Variants in GRID2 observed in about 807,000 individuals in gnomAD.
The protein encoded by GRID2 is glutamate ionotropic receptor delta type subunit 2.
Under a neutral mutation model 114.8 loss-of-function variants are expected in GRID2, and 33 were observed. The observed-to-expected ratio is 0.29, with a 90% CI of 0.22 to 0.38. The LOEUF (loss-of-function observed/expected upper bound fraction) is 0.38, where lower values mean the gene tolerates loss of function less well. Among genes scored for constraint, GRID2 ranks in the 10% least tolerant of loss-of-function variants. GRID2 has a pLI of 1.00. For synonymous variants in GRID2, 505 were observed against 449.9 expected, an observed-to-expected ratio of 1.12 and a Z score of -1.55; for missense variants, 1,184 against 1,257.7, an observed-to-expected ratio of 0.94 and a Z score of 0.89.
chr4:93,676,393 G>A (rs184384611), intron 14 of GRID2, among the ~76,000 whole-genome samples: 632 of 152,284 alleles, frequency 4.2e-3, no homozygotes, highest in Non-Finnish European at 6.9e-3. Context: ...ATAAGAAGAA[G>A]ATAGAGTAGC....
At chr4:92,476,675 G>T (rs1347601637) in intron 1 of GRID2, among the ~76,000 whole-genome samples, 2 of 151,888 alleles carry the variant, frequency 1.3e-5, no homozygotes, top group Admixed American at 1.3e-4. Context: ...ACTAACTAAA[G>T]AAAAAAATTT....
intron 10 of GRID2, among the ~76,000 whole-genome samples, chr4:93,454,675 T>A (rs1278325622): frequency 6.6e-6 from 1 of 152,130 alleles, no homozygotes; most frequent in Non-Finnish European, 1.5e-5. Context: ...ACTAGGGATG[T>A]TACTTTTCAT....
At chr4:92,568,251 C>T (rs980511515) in intron 1 of GRID2, among the ~76,000 whole-genome samples, 5 of 151,872 alleles carry the variant, frequency 3.3e-5, no homozygotes, top group Non-Finnish European at 7.4e-5. Context: ...GAGGAAGAGG[C>T]GGAATACTAG....
At chr4:93,187,379 C>A (rs878985699) in intron 4 of GRID2, among the ~76,000 whole-genome samples, 4 of 151,870 alleles carry the variant, frequency 2.6e-5, no homozygotes, top group Non-Finnish European at 5.9e-5. Context: ...ACGGTTCAAG[C>A]ATTCTCTTGC....
intron 9 of GRID2, among the ~76,000 whole-genome samples, chr4:93,422,273 A>C (rs1203753947): frequency 6.6e-6 from 1 of 152,210 alleles, no homozygotes; most frequent in African/African-American, 2.4e-5. Flanking sequence ...AAAATTACTT[A>C]GTGAATAACT....
chr4:92,819,735 G>C (rs1349840085), intron 2 of GRID2, among the ~76,000 whole-genome samples: 1 of 152,108 alleles, frequency 6.6e-6, no homozygotes, highest in Non-Finnish European at 1.5e-5. Context: ...AAACAAATTA[G>C]AGATATATTT....
intron 2 of GRID2, among the ~76,000 whole-genome samples, chr4:92,963,579 G>A (rs920652594): frequency 3.3e-5 from 5 of 151,788 alleles, no homozygotes; most frequent in Non-Finnish European, 7.4e-5. Context: ...TATTTCTCTT[G>A]TTATTTTTAC....
intron 2 of GRID2, among the ~76,000 whole-genome samples, chr4:93,059,818 A>G (rs571111597): frequency 6.6e-6 from 1 of 152,048 alleles, no homozygotes; most frequent in South Asian, 2.1e-4. Context: ...TTTAAAAAAA[A>G]AAAAGTATTC....
intron 1 of GRID2, among the ~76,000 whole-genome samples, chr4:92,340,648 C>A (rs932993221): frequency 6.6e-6 from 1 of 152,188 alleles, no homozygotes; most frequent in Non-Finnish European, 1.5e-5. Context: ...TTCTGACCTT[C>A]TCCAAACAGA....
intron 4 of GRID2, among the ~76,000 whole-genome samples, chr4:93,179,961 G>C (rs148397670): frequency 1.1e-3 from 167 of 152,180 alleles, no homozygotes; most frequent in African/African-American, 4.0e-3. Flanking sequence ...TCTGAATTTT[G>C]CATTCTAACT....
intron 1 of GRID2, among the ~76,000 whole-genome samples, chr4:93,803,254 T>C (rs1406573134): frequency 2.6e-5 from 4 of 152,210 alleles, no homozygotes; most frequent in Admixed American, 2.0e-4. Context: ...CTGTGACATG[T>C]CAGTAATTAT....
intron 2 of GRID2, among the ~76,000 whole-genome samples, chr4:92,621,077 A>G (rs1458428915): frequency 6.6e-6 from 1 of 151,436 alleles, no homozygotes; most frequent in Admixed American, 6.6e-5. Flanking sequence ...GTTGAGGGGT[A>G]CATGTGCAAG....
chr4:93,043,392 A>G (rs1206937810), intron 2 of GRID2, among the ~76,000 whole-genome samples: 2 of 152,184 alleles, frequency 1.3e-5, no homozygotes, highest in Non-Finnish European at 2.9e-5. Flanking sequence ...AGACACATAA[A>G]TGGTGCAATA....
intron 13 of GRID2, among the ~76,000 whole-genome samples, chr4:93,548,119 G>A (rs759582792): frequency 2.0e-5 from 3 of 152,066 alleles, no homozygotes; most frequent in Non-Finnish European, 2.9e-5. Context: ...GGAGGTTGCG[G>A]TGAGCCGAGA....
intron 7 of GRID2, among the ~76,000 whole-genome samples, chr4:93,237,204 G>A (rs1378308061): frequency 6.6e-6 from 1 of 151,742 alleles, no homozygotes; most frequent in Non-Finnish European, 1.5e-5. Flanking sequence ...AATAAAACTA[G>A]ATAATAGAAA....
At chr4:93,645,802 T>G (rs1466331918) in intron 14 of GRID2, among the ~76,000 whole-genome samples, 1 of 152,202 alleles carries the variant, frequency 6.6e-6, no homozygotes, top group Non-Finnish European at 1.5e-5. Context: ...AATTAATCAT[T>G]TCTTGTGTTC....
intron 2 of GRID2, among the ~76,000 whole-genome samples, chr4:92,865,126 T>C (rs1057463168): frequency 5.9e-5 from 9 of 152,206 alleles, no homozygotes; most frequent in African/African-American, 2.2e-4. Context: ...CCTGACAGGA[T>C]AGATTGGTCC....
chr4:93,412,916 G>A (rs1767347050), intron 9 of GRID2, among the ~76,000 whole-genome samples: 1 of 152,126 alleles, frequency 6.6e-6, no homozygotes, highest in Non-Finnish European at 1.5e-5. Context: ...TCCCTGCAAA[G>A]GACATGATCT....
intron 6 of GRID2, among the ~76,000 whole-genome samples, chr4:93,219,494 G>C (rs775051361): frequency 6.6e-6 from 1 of 152,198 alleles, no homozygotes; most frequent in African/African-American, 2.4e-5. Flanking sequence ...CTACTTTTGC[G>C]TTGAGGATTT....
Sources: gnomAD v4.1 joint callset for allele counts (sites outside exome capture counted in the v4.1 genomes callset) on GRCh38, gnomAD v4.1.1 for gene constraint, MANE v1.5 for transcripts, NCBI Gene and HGNC (gene_info 2026-07-23, HGNC 2026-07-21) for gene names.